SH3RF2: variants seen among roughly 807,000 people sequenced by gnomAD.
SH3RF2 encodes the protein SH3 domain containing ring finger 2.
Under a neutral mutation model 59.0 loss-of-function variants are expected in SH3RF2, and 43 were observed. That is an observed-to-expected ratio of 0.73 (90% CI 0.57 to 0.94). The LOEUF is 0.94. Ranked by LOEUF, SH3RF2 falls within the 40% of genes least tolerant of loss-of-function variation. The pLI is 0.00. For synonymous variants in SH3RF2, 391 were observed against 391.5 expected, an observed-to-expected ratio of 1.00 and a Z score of 0.01; for missense variants, 930 against 940.1, an observed-to-expected ratio of 0.99 and a Z score of 0.14.
chr5:145,949,106 T>G (rs1197537803), intron 2 of SH3RF2, among the ~76,000 whole-genome samples: 1 of 152,200 alleles, frequency 6.6e-6, no homozygotes, highest in African/African-American at 2.4e-5. Flanking sequence ...TTCCAGCCCC[T>G]GCCTTGTTGA....
intron 2 of SH3RF2, among the ~76,000 whole-genome samples, chr5:145,953,890 C>T (rs1758294172): frequency 6.6e-6 from 1 of 152,132 alleles, no homozygotes; most frequent in Admixed American, 6.5e-5. Flanking sequence ...GACACGATCT[C>T]ATTCTTTTTA....
chr5:145,995,868 A>T (rs969902288), intron 2 of SH3RF2, among the ~76,000 whole-genome samples: 1 of 152,232 alleles, frequency 6.6e-6, no homozygotes, highest in Non-Finnish European at 1.5e-5. Flanking sequence ...AGTAACGCTC[A>T]ATATTATTAA....
At chr5:146,069,107 AAC>A in intron 9 of SH3RF2, among the ~76,000 whole-genome samples, 1 of 152,266 alleles carries the variant, frequency 6.6e-6, no homozygotes, top group East Asian at 1.9e-4. Flanking sequence ...ATATTTGGTA[AAC>A]ACTACTCAAA....
rs1443002505 is a variant in SH3RF2, at chr5:145,975,745, A to C, written c.379-24313A>C. Among the ~76,000 whole-genome samples the C allele has an allele frequency of 2.0e-5, 3 of 152,242 alleles. 1 individual carries two copies. Among genetic ancestry groups the C allele is most frequent in the African/African-American group, 7.2e-5 (3 of 41,466 alleles). On this transcript the variant is annotated intron_variant, in intron 2 of 9. Coordinates refer to ENST00000359120, the MANE Select transcript of SH3RF2 (RefSeq NM_152550.4). ...TGGACCCTTGGCAGAGAGCCAAAGG[A>C]AACAGAAGATGTTGAATCATTCCCC...
chr5:146,000,382 G>C, intron 3 of SH3RF2, 55 bp downstream of exon 3: 1 of 1,489,114 alleles, frequency 6.7e-7, no homozygotes, highest in Non-Finnish European at 8.9e-7. Context: ...GACCATAGCA[G>C]AACAGAGTTC....
chr5:146,040,357 A>G (rs943473569), intron 5 of SH3RF2, among the ~76,000 whole-genome samples: 1 of 152,232 alleles, frequency 6.6e-6, no homozygotes, highest in Non-Finnish European at 1.5e-5. Flanking sequence ...CATTTTAATA[A>G]CAAAGGGAAG....
chr5:145,995,159 G>T (rs1303257505), intron 2 of SH3RF2, among the ~76,000 whole-genome samples: 5 of 152,168 alleles, frequency 3.3e-5, no homozygotes, highest in African/African-American at 4.8e-5. Context: ...CAGTATTCAA[G>T]ATGGCAGCTA....
At chr5:146,037,484 C>T (rs148876857) in intron 5 of SH3RF2, among the ~76,000 whole-genome samples, 1,814 of 152,214 alleles carry the variant, frequency 0.012, 16 homozygotes, top group Non-Finnish European at 0.019. Flanking sequence ...ATGGGGGGTC[C>T]GCATTGGCTG....
chr5:146,068,301 C>A (rs1420894435), intron 9 of SH3RF2, among the ~76,000 whole-genome samples: 1 of 152,220 alleles, frequency 6.6e-6, no homozygotes, highest in Non-Finnish European at 1.5e-5. Context: ...CTTCTGGACT[C>A]CCTTCCTGAG....
intron 2 of SH3RF2, among the ~76,000 whole-genome samples, chr5:145,971,742 C>T (rs1338689622): frequency 1.3e-5 from 2 of 152,194 alleles, no homozygotes; most frequent in Non-Finnish European, 2.9e-5. Flanking sequence ...GAAAATGTCA[C>T]AGTCCTAGCT....
rs566345200 is a variant in SH3RF2 at position 145,984,300 on chromosome 5, G to C, written c.379-15758G>C. On this transcript the variant is annotated intron_variant, in intron 2 of 9. Transcript: ENST00000359120. The stretch of plus-strand genomic sequence containing the variant: ...AAGTAAAACAGCAGTTGCAACACAG[G>C]GTGATGAGTGTTATGATAGGGGAAG... Among the ~76,000 whole-genome samples, 66 of 152,270 alleles carry C rather than the reference G, an allele frequency of 4.3e-4. 1 individual carries two copies. In the South Asian group the frequency reaches 0.012, roughly 27 times the overall value.
chr5:145,963,116 C>T (rs973749225), intron 2 of SH3RF2, among the ~76,000 whole-genome samples: 7 of 151,874 alleles, frequency 4.6e-5, no homozygotes, highest in African/African-American at 1.7e-4. Context: ...CCTGGATGGT[C>T]TCGATCTCCT....
At chr5:146,033,740 G>C (rs534445447) in intron 5 of SH3RF2, among the ~76,000 whole-genome samples, 1 of 152,214 alleles carries the variant, frequency 6.6e-6, no homozygotes. Context: ...AAAGTGCTGA[G>C]ATTACAGGCG....
intron 9 of SH3RF2, among the ~76,000 whole-genome samples, chr5:146,071,972 C>G (rs1222035950): frequency 2.6e-5 from 4 of 152,058 alleles, no homozygotes; most frequent in Admixed American, 2.0e-4. Context: ...CAATAGCAAG[C>G]TAGGCTCTAT....
chr5:146,022,419 G>A (rs1008285486), intron 5 of SH3RF2, among the ~76,000 whole-genome samples: 4 of 152,118 alleles, frequency 2.6e-5, no homozygotes, highest in African/African-American at 7.2e-5. Flanking sequence ...TGTTGGCCAG[G>A]TTTGTCTTAA....
intron 2 of SH3RF2, among the ~76,000 whole-genome samples, chr5:145,943,051 G>T (rs565648891): frequency 1.3e-5 from 2 of 151,724 alleles, no homozygotes; most frequent in Non-Finnish European, 2.9e-5. Flanking sequence ...TGATTAAAAT[G>T]AGATTAAAAT....
intron 2 of SH3RF2, among the ~76,000 whole-genome samples, chr5:145,987,203 T>A (rs1465609092): frequency 6.6e-6 from 1 of 152,206 alleles, no homozygotes; most frequent in Non-Finnish European, 1.5e-5. Flanking sequence ...TGTTTTACAT[T>A]TTTTTCCATA....
At chr5:145,972,620 C>T (rs911469543) in intron 2 of SH3RF2, among the ~76,000 whole-genome samples, 2 of 152,200 alleles carry the variant, frequency 1.3e-5, no homozygotes, top group African/African-American at 4.8e-5. Flanking sequence ...AAACTGAACA[C>T]TGACTCAAGA....
chr5:145,953,165 G>A (rs962437363), intron 2 of SH3RF2, among the ~76,000 whole-genome samples: 6 of 151,528 alleles, frequency 4.0e-5, no homozygotes, highest in Non-Finnish European at 8.8e-5. Context: ...AAAAATAATT[G>A]CAAATTGCAA....
Sources: allele counts gnomAD v4.1 joint callset (sites outside exome capture counted in the v4.1 genomes callset), GRCh38; gene constraint gnomAD v4.1.1; transcripts MANE v1.5; gene names NCBI Gene and HGNC (gene_info 2026-07-23, HGNC 2026-07-21).